Variants in CDH5 observed in about 807,000 individuals in gnomAD.
CDH5 encodes cadherin 5.
In CDH5, 28 loss-of-function variants were observed where a neutral mutation model predicts 62.0. The ratio of observed to expected loss-of-function variants is 0.45; its 90% CI spans 0.33 to 0.62. CDH5 has a LOEUF of 0.62. Ranked by LOEUF, CDH5 falls within the 20% of genes least tolerant of loss-of-function variation. The pLI is 0.02. For missense variants in CDH5, 940 were observed against 1,065.1 expected (o/e 0.88, Z 1.63); for synonymous variants, 464 against 445.8 (o/e 1.04, Z -0.52).
intron 1 of CDH5, among the ~76,000 whole-genome samples, chr16:66,376,934 A>G (rs1960797592): frequency 6.6e-6 from 1 of 152,098 alleles, no homozygotes; most frequent in Admixed American, 6.5e-5. Flanking sequence ...CCCAGCACCT[A>G]TCTATCAGCT....
chr16:66,381,036 A>G (rs75929939), intron 2 of CDH5, among the ~76,000 whole-genome samples: 18,734 of 152,146 alleles, frequency 0.12, 1,259 homozygotes, highest in Middle Eastern at 0.22. Context: ...GTTTAGGACA[A>G]GACCAGCCAA....
rs1399704059 is a variant in CDH5, at chr16:66,403,066, C to T, written c.2252C>T (p.Ser751Phe). ...CTCAGCTCCCTGGGCACCGACTCAT[C>T]CGACTCTGACGTGGATTACGACTTC... is the stretch of plus-strand genomic sequence containing the variant. ...ESLSSLGTDS[S>F]DSDVDYDFLN... is the part of the protein sequence containing the mutation. The change falls in exon 12 of 12, where the codon TCC (serine) becomes TTC (phenylalanine). Residue 751 changes from serine (S) to phenylalanine (F), a missense_variant. By Grantham distance (155) the Ser-to-Phe change is radical. Coordinates refer to ENST00000341529, the MANE Select transcript of CDH5 (RefSeq NM_001795.5). The surrounding 1 kb of genome is among the most constrained non-coding windows in gnomAD (Gnocchi z 4.3). The T allele has an allele frequency of 6.2e-7, 1 of 1,613,722 alleles. No individual in the cohort carries two copies. Among genetic ancestry groups the T allele is most frequent in the Non-Finnish European group, 8.5e-7 (1 of 1,179,874 alleles).
At position 66,402,837 on chromosome 16, in the gene CDH5, C is replaced by T. The variant is rs1961314257; in HGVS notation, c.2023C>T (p.Arg675Trp). ...SVRRGGAKPP[R>W]PALDARPSLY... is the part of the protein sequence containing the mutation. ...GCGCCGCGGCGGGGCCAAGCCCCCG[C>T]GGCCCGCGCTGGACGCCCGGCCTTC... Residue 675 changes from arginine to tryptophan, a missense_variant, in exon 12 of 12, where the codon CGG becomes TGG. Physicochemically the swap from Arg to Trp is moderately radical, Grantham distance 101. Transcript: ENST00000341529. 2 of 1,599,154 alleles carry T rather than the reference C, an allele frequency of 1.3e-6. No individual in the cohort carries two copies. Among genetic ancestry groups the T allele is most frequent in the Non-Finnish European group, 8.5e-7 (1 of 1,173,688 alleles).
chr16:66,368,872 T>G (rs987446107), intron 1 of CDH5, among the ~76,000 whole-genome samples: 1 of 152,148 alleles, frequency 6.6e-6, no homozygotes, highest in Non-Finnish European at 1.5e-5. Flanking sequence ...AGGAGCCCAG[T>G]GATACCAGGG....
At chr16:66,400,486 G>T (rs189763086) in intron 10 of CDH5, among the ~76,000 whole-genome samples, 1 of 152,224 alleles carries the variant, frequency 6.6e-6, no homozygotes, top group African/African-American at 2.4e-5. Context: ...GAAGAGGAAG[G>T]GGAGAGGCAT....
At chr16:66,396,231 GA>G in intron 8 of CDH5, 30 bp downstream of exon 8, 1 of 1,613,192 alleles carries the variant, frequency 6.2e-7, no homozygotes, top group Non-Finnish European at 8.5e-7. Context: ...AGGGCACCTG[GA>G]TTCTTTTCCT....
chr16:66,398,465 C>A lies in CDH5; in HGVS notation c.1495C>A (p.Gln499Lys). ...ENAVHGQLVL[Q>K]ISAIDKDITP... ...GTCTTCCACACTCCAGCTGGTCCTG[C>A]AGATCTCCGCAATAGACAAGGACAT... is the stretch of plus-strand genomic sequence containing the variant. The change falls in exon 10 of 12, where the codon CAG becomes AAG. Residue 499 changes from glutamine (Q) to lysine (K), a missense_variant. Physicochemically the swap from Gln to Lys is moderately conservative, Grantham distance 53. Coordinates refer to ENST00000341529, the MANE Select transcript of CDH5 (RefSeq NM_001795.5). 2 of 1,602,226 alleles carry A rather than the reference C, an allele frequency of 1.2e-6. No homozygotes were observed. Among genetic ancestry groups the A allele is most frequent in the Non-Finnish European group, 1.7e-6 (2 of 1,169,046 alleles).
chr16:66,392,217 C>G lies in CDH5; in HGVS notation c.1051C>G (p.Pro351Ala). 6.2e-7 allele frequency: 1 copy of G among 1,614,120 alleles called. No individual in the cohort carries two copies. The highest frequency in any genetic ancestry group is 8.5e-7 in the Non-Finnish European group (1 of 1,180,028). The change falls in exon 7 of 12, where the codon CCT becomes GCT. Residue 351 changes from proline to alanine, a missense_variant. Coordinates refer to ENST00000341529, the MANE Select transcript of CDH5 (RefSeq NM_001795.5). ...CACCATCGACCTCCGATACATGAGC[C>G]CTCCCGCGGGAAACAGAGCCCAGGT... is the stretch of plus-strand genomic sequence containing the variant. ...DPTIDLRYMS[P>A]PAGNRAQVII...
intron 11 of CDH5, among the ~76,000 whole-genome samples, chr16:66,401,665 A>AAGGG (rs1261153872): frequency 6.6e-6 from 1 of 152,190 alleles, no homozygotes; most frequent in African/African-American, 2.4e-5. Context: ...TGAAGCTGGG[A>AAGGG]AGGGAGGAGG....
Position 66,402,986 on chromosome 16 carries a change from C to T in CDH5, c.2172C>T (p.Pro724=). The change falls in exon 12 of 12, where the codon CCC becomes CCT. Residue 724 remains proline (P), a synonymous_variant. Coordinates refer to ENST00000341529, the MANE Select transcript of CDH5 (RefSeq NM_001795.5). ...CGGACCACGACGGCGACGGCCCCCC[C>T]TACGACACGCTGCACATCTACGGCT... ...DEADHDGDGP[P]YDTLHIYGYE... The T allele has an allele frequency of 6.2e-7, 1 of 1,613,364 alleles. No homozygotes were observed. Among genetic ancestry groups the T allele is most frequent in the South Asian group, 1.1e-5 (1 of 91,004 alleles).
intron 1 of CDH5, among the ~76,000 whole-genome samples, chr16:66,369,639 A>G (rs1416622947): frequency 1.3e-5 from 2 of 152,188 alleles, no homozygotes; most frequent in Non-Finnish European, 2.9e-5. Flanking sequence ...CCTCCTTAGC[A>G]TGGGTGTTCT....
At position 66,403,780 on chromosome 16, in the gene CDH5, G is replaced by C. The variant is rs1009693189; in HGVS notation, c.*611G>C. ...AGGAAGGGGCCCCATGGCAGCTCCT[G>C]ACCTTGGGTCCTGAAGTGACCTCAC... is the stretch of plus-strand genomic sequence containing the variant. On this transcript the variant is annotated 3_prime_UTR_variant, in exon 12 of 12. Coordinates refer to ENST00000341529, the MANE Select transcript of CDH5 (RefSeq NM_001795.5). This position sits in a 1 kb window ranked among gnomAD's most constrained non-coding sequence, Gnocchi z 4.3. The C allele has an allele frequency of 6.2e-6, 1 of 161,148 alleles. No individual in the cohort carries two copies. The highest frequency in any genetic ancestry group is 2.4e-5 in the African/African-American group (1 of 41,504). 10.0% of individuals were successfully genotyped at this position (161,148 alleles called of 1,614,324 possible). A position where few individuals can be genotyped will look rare whatever the true frequency, so the allele number is the denominator to read the frequency against.
chr16:66,378,951 G>A (rs1233276461), intron 1 of CDH5, among the ~76,000 whole-genome samples: 1 of 152,186 alleles, frequency 6.6e-6, no homozygotes, highest in Non-Finnish European at 1.5e-5. Flanking sequence ...CGGTCAGAGT[G>A]GTGGAAGAAA....
chr16:66,371,947 C>G (rs1397117533), intron 1 of CDH5, among the ~76,000 whole-genome samples: 1 of 152,130 alleles, frequency 6.6e-6, no homozygotes, highest in African/African-American at 2.4e-5. Context: ...TTCCTCTTCT[C>G]TTGTATCCCT....
chr16:66,401,209 C>A (rs375842307), intron 11 of CDH5, among the ~76,000 whole-genome samples, 193 bp downstream of exon 11: 3 of 152,074 alleles, frequency 2.0e-5, no homozygotes, highest in Non-Finnish European at 4.4e-5. Context: ...TGGGTGCTCA[C>A]GGTGGGGGAT....
At position 66,400,926 on chromosome 16, in the gene CDH5, G is replaced by A. The variant is rs774722881; in HGVS notation, c.1747G>A (p.Glu583Lys). ...VAVCKCNEQG[E>K]FTFCEDMAAQ... is the part of the protein sequence containing the mutation. ...CGTGTGCAAGTGCAACGAGCAGGGC[G>A]AGTTCACCTTCTGCGAGGATATGGC... The change falls in exon 11 of 12, where the codon GAG becomes AAG. Residue 583 changes from glutamate (E) to lysine (K), a missense_variant. Transcript: ENST00000341529. 1.7e-5 allele frequency: 27 copies of A among 1,614,098 alleles called. No individual in the cohort carries two copies. The African/African-American group carries it at 2.1e-4, about 13-fold the overall frequency.
intron 1 of CDH5, among the ~76,000 whole-genome samples, chr16:66,369,302 G>A (rs779156146): frequency 3.3e-5 from 5 of 152,120 alleles, no homozygotes; most frequent in Non-Finnish European, 2.9e-5. Context: ...GAGGTCAAGC[G>A]TAAGTTGGCC....
Position 66,398,189 on chromosome 16 carries a change from G to A in CDH5, c.1485+83G>A. On this transcript the variant is annotated intron_variant, in intron 9 of 11. Transcript: ENST00000341529. ...CAGAACTGCTCAACAGAGTCAGCAG[G>A]AGTTCCCCTGTACAATAGCCTTGAG... 9 of 1,503,628 alleles carry A rather than the reference G, an allele frequency of 6.0e-6. No individual in the cohort carries two copies. In the South Asian group the frequency reaches 1.0e-4, roughly 17 times the overall value. 93.1% of individuals were successfully genotyped at this position (1,503,628 alleles called of 1,614,324 possible).
rs759983348 is a variant in CDH5 at position 66,379,321 on chromosome 16, C to A, written c.-17C>A. ...GAATGTGTCTCCTCTTTCCCCAGAT[C>A]TGTTCCTCCTGGGAAGATGCAGAGG... On this transcript the variant is annotated splice_region_variant and 5_prime_UTR_variant, in exon 2 of 12. The change creates a new upstream start codon in the 5' untranslated region. Transcript: ENST00000341529. 16 of 1,593,298 alleles carry A rather than the reference C, an allele frequency of 1.0e-5. No homozygotes were observed. The highest frequency in any genetic ancestry group is 1.4e-5 in the Non-Finnish European group (16 of 1,165,060).
Sources: gnomAD v4.1 joint callset for allele counts (sites outside exome capture counted in the v4.1 genomes callset) on GRCh38, gnomAD v4.1.1 for gene constraint, Gnocchi (gnomAD v3.1) non-coding constraint, MANE v1.5 for transcripts, NCBI Gene and HGNC (gene_info 2026-07-23, HGNC 2026-07-21) for gene names.